STARD13: variants seen among roughly 807,000 people sequenced by gnomAD.
The protein encoded by STARD13 is stAR-related lipid transfer protein 13.
STARD13 carries 62 observed loss-of-function variants against 106.4 expected under a neutral mutation model. The observed-to-expected ratio is 0.58, with a 90% CI of 0.48 to 0.72. STARD13 has a LOEUF of 0.72. Ranked by LOEUF, STARD13 falls within the 30% of genes least tolerant of loss-of-function variation. STARD13 has a pLI of 0.00. For missense variants in STARD13, 1,387 were observed against 1,424.0 expected, an observed-to-expected ratio of 0.97 and a Z score of 0.42; for synonymous variants, 565 against 553.0, an observed-to-expected ratio of 1.02 and a Z score of -0.31.
chr13:33,277,482 CA>C (rs1230972442), intron 1 of STARD13: 1 of 152,116 alleles, frequency 6.6e-6, no homozygotes, highest in Non-Finnish European at 1.5e-5. Context: ...ACCATGAATT[CA>C]GAAATTCTCG....
chr13:33,335,480 C>G (rs751844), intron 1 of STARD13, among the ~76,000 whole-genome samples: 144,455 of 152,262 alleles, frequency 0.95, 68,992 homozygotes, highest in East Asian at 1. Context: ...GGAGGTCCTG[C>G]AGTCACTGGG....
At chr13:33,367,150 CAAGGGAA>C in the STARD13 span, among the ~76,000 whole-genome samples, 12 of 152,274 alleles carry the variant, frequency 7.9e-5, no homozygotes, top group African/African-American at 2.9e-4. Context: ...ATATCAAAAA[CAAGGGAA>C]AAGCATATTT....
chr13:33,213,803 T>G (rs760338917), intron 1 of STARD13, among the ~76,000 whole-genome samples: 3 of 152,232 alleles, frequency 2.0e-5, no homozygotes, highest in Non-Finnish European at 4.4e-5. Flanking sequence ...ATATCAAAGC[T>G]TATACTTTAA....
intron 1 of STARD13, among the ~76,000 whole-genome samples, chr13:33,279,194 T>C (rs1891623917): frequency 6.6e-6 from 1 of 152,208 alleles, no homozygotes. Flanking sequence ...TGTCCCTTTA[T>C]ATAAGAGTTT....
chr13:33,220,694 AAAATAAATAAAT>A (rs1888309237), intron 1 of STARD13, among the ~76,000 whole-genome samples: 2 of 151,396 alleles, frequency 1.3e-5, no homozygotes, highest in African/African-American at 4.9e-5. Context: ...TCCATCTCAA[AAAATAAATAAAT>A]AAATAAAATA....
intron 1 of STARD13, among the ~76,000 whole-genome samples, chr13:33,216,841 G>A (rs1043277948): frequency 3.9e-5 from 6 of 152,176 alleles, no homozygotes; most frequent in Non-Finnish European, 1.5e-5. Flanking sequence ...TGTGTTTGGA[G>A]TCCCAAGCTA....
At chr13:33,616,829 C>G in the STARD13 span, among the ~76,000 whole-genome samples, 6 of 152,240 alleles carry the variant, frequency 3.9e-5, no homozygotes, top group Non-Finnish European at 7.4e-5. Context: ...GAATCAGAAT[C>G]CATAACAAGA....
At chr13:33,621,558 T>TA in the STARD13 span, among the ~76,000 whole-genome samples, 5 of 150,714 alleles carry the variant, frequency 3.3e-5, no homozygotes, top group African/African-American at 1.2e-4. Flanking sequence ...TGGGTGCCTG[T>TA]AGTCCCAGCT....
chr13:33,328,201 T>TAG (rs2077798691), intron 1 of STARD13, among the ~76,000 whole-genome samples: 2 of 152,356 alleles, frequency 1.3e-5, no homozygotes, highest in African/African-American at 4.8e-5. Flanking sequence ...ATAATGGTGA[T>TAG]AGAGGCTGTG....
the STARD13 span, among the ~76,000 whole-genome samples, chr13:33,574,043 C>T: frequency 6.6e-6 from 1 of 152,048 alleles, no homozygotes; most frequent in African/African-American, 2.4e-5. Flanking sequence ...ATAGATGATA[C>T]AGGAGTGTGA....
the STARD13 span, among the ~76,000 whole-genome samples, chr13:33,638,440 A>G: frequency 6.6e-6 from 1 of 152,226 alleles, no homozygotes; most frequent in Non-Finnish European, 1.5e-5. Context: ...CTTCCAGGTC[A>G]TAAGCAGATT....
chr13:33,173,919 T>C (rs17518603), intron 1 of STARD13, among the ~76,000 whole-genome samples: 5,827 of 152,286 alleles, frequency 0.038, 166 homozygotes, highest in South Asian at 0.092. Context: ...GCTCTGTTTA[T>C]GTGGACTTCT....
chr13:33,140,694 G>C (rs1287471381), intron 4 of STARD13, among the ~76,000 whole-genome samples: 1 of 151,890 alleles, frequency 6.6e-6, no homozygotes, highest in African/African-American at 2.4e-5. Context: ...AGGTTACTAA[G>C]GGGTAACTTA....
chr13:33,208,467 G>A (rs1887538083), intron 1 of STARD13, among the ~76,000 whole-genome samples: 1 of 152,204 alleles, frequency 6.6e-6, no homozygotes, highest in South Asian at 2.1e-4. Flanking sequence ...TCAAGCAAAT[G>A]AGTCATCAAA....
At chr13:33,449,924 G>C in the STARD13 span, among the ~76,000 whole-genome samples, 1 of 152,074 alleles carries the variant, frequency 6.6e-6, no homozygotes, top group East Asian at 1.9e-4. Flanking sequence ...GATTTTGTAT[G>C]TTGATTTTGT....
At chr13:33,441,129 A>G in the STARD13 span, among the ~76,000 whole-genome samples, 8 of 151,930 alleles carry the variant, frequency 5.3e-5, no homozygotes, top group African/African-American at 1.9e-4. Flanking sequence ...CTCAAAGATC[A>G]CCCATGACTC....
intron 12 of STARD13, among the ~76,000 whole-genome samples, chr13:33,107,467 A>G (rs1202188248): frequency 6.6e-6 from 1 of 152,148 alleles, no homozygotes; most frequent in Non-Finnish European, 1.5e-5. Flanking sequence ...CGGGAGGAAT[A>G]TGGAGAAGGC....
the STARD13 span, among the ~76,000 whole-genome samples, chr13:33,500,911 A>C: frequency 6.6e-6 from 1 of 151,978 alleles, no homozygotes; most frequent in African/African-American, 2.4e-5. Flanking sequence ...ACTTGTATTA[A>C]GGATTCTCAA....
At chr13:33,574,732 A>G in the STARD13 span, among the ~76,000 whole-genome samples, 3 of 152,110 alleles carry the variant, frequency 2.0e-5, no homozygotes, top group Non-Finnish European at 4.4e-5. Flanking sequence ...ACAGAGCAAG[A>G]TCCTATCTTG....
Sources: allele counts gnomAD v4.1 joint callset (sites outside exome capture counted in the v4.1 genomes callset), GRCh38; gene constraint gnomAD v4.1.1; transcripts MANE v1.5; gene names NCBI Gene and HGNC (gene_info 2026-07-23, HGNC 2026-07-21).